The following FAT4 variants were observed in gnomAD, a reference collection of about 807,000 sequenced individuals.
FAT4 encodes the protein FAT atypical cadherin 4, also known as protocadherin Fat 4.
FAT4 carries 84 observed loss-of-function variants against 303.9 expected under a neutral mutation model. The observed-to-expected ratio is 0.28, with a 90% CI of 0.23 to 0.33. The LOEUF is 0.33. Ranked by LOEUF, FAT4 falls within the 10% of genes least tolerant of loss-of-function variation. FAT4 has a pLI of 1.00. For missense variants in FAT4, 6,005 were observed against 6,146.8 expected (o/e 0.98, Z 0.77); for synonymous variants, 2,307 against 2,298.8 (o/e 1.00, Z -0.10).
Position 125,320,536 on chromosome 4 carries a change from C to G in FAT4, c.4125C>G (p.Ala1375=). 1 of 1,613,664 alleles carries G rather than the reference C, an allele frequency of 6.2e-7. No individual in the cohort carries two copies. The highest frequency in any genetic ancestry group is 8.5e-7 in the Non-Finnish European group (1 of 1,179,812). ...CAAACACTGGGAGTATTTTTCTTGC[C>G]AAAAAACTGGACTTTGAAACACAGT... ...ISPNTGSIFL[A]KKLDFETQSL... is the part of the protein sequence containing the mutation. Residue 1375 remains alanine (A), a synonymous_variant, in exon 2 of 18, where the codon GCC becomes GCG. Transcript: ENST00000394329.
intron 2 of FAT4, among the ~76,000 whole-genome samples, chr4:125,322,452 A>G (rs1256219440): frequency 5.3e-5 from 8 of 152,116 alleles, no homozygotes; most frequent in Non-Finnish European, 1.2e-4. Flanking sequence ...ACTACTTTCA[A>G]TGTTATTTTG....
chr4:125,326,829 A>C (rs1731176846), intron 2 of FAT4, among the ~76,000 whole-genome samples: 2 of 152,324 alleles, frequency 1.3e-5, no homozygotes, highest in East Asian at 1.9e-4. Flanking sequence ...TTTTGAGACC[A>C]GCCTGGGCAA....
At chr4:125,325,807 A>G (rs1187999918) in intron 2 of FAT4, among the ~76,000 whole-genome samples, 2 of 152,216 alleles carry the variant, frequency 1.3e-5, no homozygotes, top group East Asian at 3.8e-4. Flanking sequence ...TGAAGAACAC[A>G]ATTACTGCTA....
chr4:125,349,976 T>A (rs1732160108), intron 2 of FAT4, among the ~76,000 whole-genome samples: 1 of 151,726 alleles, frequency 6.6e-6, no homozygotes, highest in Non-Finnish European at 1.5e-5. Flanking sequence ...TGTCGTCAGT[T>A]TTTTATGTAT....
chr4:125,390,406 G>A (rs74870225), intron 2 of FAT4, among the ~76,000 whole-genome samples: 1,537 of 152,234 alleles, frequency 0.01, 12 homozygotes, highest in Middle Eastern at 0.017. Flanking sequence ...AGGGCCAAAG[G>A]AAGCAACAGC....
chr4:125,436,218 G>C (rs879550494), intron 8 of FAT4, among the ~76,000 whole-genome samples: 2 of 151,534 alleles, frequency 1.3e-5, no homozygotes, highest in Non-Finnish European at 2.9e-5. Context: ...GAAATTGGAC[G>C]TGAGATCAAA....
intron 10 of FAT4, among the ~76,000 whole-genome samples, chr4:125,459,545 T>C (rs1187689608): frequency 2.0e-5 from 3 of 152,068 alleles, no homozygotes; most frequent in African/African-American, 7.2e-5. Flanking sequence ...CTTCTAGTTA[T>C]GATAAATAGT....
intron 16 of FAT4, among the ~76,000 whole-genome samples, chr4:125,485,157 A>T (rs904328900): frequency 6.6e-6 from 1 of 152,138 alleles, no homozygotes; most frequent in African/African-American, 2.4e-5. Flanking sequence ...AAGGCCTAAG[A>T]CATTATTATA....
Position 125,492,074 on chromosome 4 carries a change from C to A in FAT4, c.*306C>A, listed in dbSNP as rs528880107. 2.0e-5 allele frequency: 6 copies of A among 293,362 alleles called. No individual in the cohort carries two copies. The highest frequency in any genetic ancestry group is 3.8e-5 in the Non-Finnish European group (6 of 157,978). The allele number at this position is 293,362 out of a possible 1,614,324, so 18.2% of individuals were successfully genotyped here. On this transcript the variant is annotated 3_prime_UTR_variant, in exon 18 of 18. Transcript: ENST00000394329. The stretch of plus-strand genomic sequence containing the variant: ...GATTTGTGATTTTTAAAAATTGATA[C>A]CTTTACCATTGCAGAAAAGAACTTG...
rs1219467782 is a variant in FAT4 at position 125,319,053 on chromosome 4, T to C, written c.2642T>C (p.Ile881Thr). 6 of 1,614,130 alleles carry C rather than the reference T, an allele frequency of 3.7e-6. No homozygotes were observed. Residue 881 changes from isoleucine to threonine, a missense_variant, in exon 2 of 18, where the codon ATA (isoleucine) becomes ACA (threonine). Transcript: ENST00000394329. The part of the protein sequence containing the change: ...GTVTGDTMVN[I>T]TVKDLNDNSP... The stretch of plus-strand genomic sequence containing the variant: ...GTGACTGGAGACACTATGGTTAACA[T>C]AACAGTTAAGGATTTGAATGACAAC...
At position 125,370,325 on chromosome 4, in the gene FAT4, A is replaced by G. The variant is rs555626519; in HGVS notation, c.5176-28459A>G. Among the ~76,000 whole-genome samples, 3 of 152,294 alleles carry G rather than the reference A, an allele frequency of 2.0e-5. No individual in the cohort carries two copies. In the East Asian group the frequency reaches 5.8e-4, roughly 29 times the overall value. On this transcript the variant is annotated intron_variant, in intron 2 of 17. Coordinates refer to ENST00000394329, the MANE Select transcript of FAT4 (RefSeq NM_001291303.3). ...CCGACAGGAACCCTACAAAGTAGAG[A>G]CAGTTCCAAATTTCCAGAATGAATG... is the stretch of plus-strand genomic sequence containing the variant.
intron 12 of FAT4, among the ~76,000 whole-genome samples, chr4:125,475,076 G>T (rs970712580): frequency 1.3e-5 from 2 of 152,042 alleles, no homozygotes; most frequent in African/African-American, 4.8e-5. Flanking sequence ...ACGCTTTATT[G>T]TCTGCATTGG....
At chr4:125,464,585 T>C (rs1726594901) in intron 11 of FAT4, among the ~76,000 whole-genome samples, 1 of 152,194 alleles carries the variant, frequency 6.6e-6, no homozygotes, top group Non-Finnish European at 1.5e-5. Context: ...TTGTTACATA[T>C]GTATACATGT....
intron 2 of FAT4, among the ~76,000 whole-genome samples, chr4:125,345,059 A>G (rs976198132): frequency 2.0e-5 from 3 of 152,092 alleles, no homozygotes; most frequent in African/African-American, 7.2e-5. Flanking sequence ...TAATTTGGTC[A>G]TGGTTTGAAC....
At chr4:125,403,082 T>C (rs1272902721) in intron 3 of FAT4, among the ~76,000 whole-genome samples, 2 of 152,094 alleles carry the variant, frequency 1.3e-5, no homozygotes, top group Admixed American at 1.3e-4. Context: ...TAAGCCATCA[T>C]GTTTCTCTTA....
intron 2 of FAT4, among the ~76,000 whole-genome samples, chr4:125,391,042 A>G (rs1733956806): frequency 6.6e-6 from 1 of 152,174 alleles, no homozygotes; most frequent in East Asian, 1.9e-4. Context: ...GAGGCTGTGG[A>G]GAAATAAGAA....
intron 7 of FAT4, among the ~76,000 whole-genome samples, chr4:125,425,489 A>G (rs1220420944): frequency 6.6e-6 from 1 of 152,142 alleles, no homozygotes; most frequent in Non-Finnish European, 1.5e-5. Flanking sequence ...GAAGCAAAAA[A>G]TCTTGTGGTT....
At chr4:125,371,015 G>A (rs1733087856) in intron 2 of FAT4, among the ~76,000 whole-genome samples, 1 of 151,980 alleles carries the variant, frequency 6.6e-6, no homozygotes, top group South Asian at 2.1e-4. Flanking sequence ...AGGCCTGGTG[G>A]TGCATGCCTG....
chr4:125,366,483 A>T (rs1732892495), intron 2 of FAT4, among the ~76,000 whole-genome samples: 1 of 152,088 alleles, frequency 6.6e-6, no homozygotes, highest in African/African-American at 2.4e-5. Flanking sequence ...CTATATATAT[A>T]TTTTTAATCT....
Sources: allele counts gnomAD v4.1 joint callset (sites outside exome capture counted in the v4.1 genomes callset), GRCh38; gene constraint gnomAD v4.1.1; transcripts MANE v1.5; gene names NCBI Gene and HGNC (gene_info 2026-07-23, HGNC 2026-07-21).